Variants in PPP3CA observed in about 807,000 individuals in gnomAD.
PPP3CA encodes protein phosphatase 3 catalytic subunit alpha, also known as CAM-PRP catalytic subunit.
PPP3CA carries 14 observed loss-of-function variants against 66.5 expected under a neutral mutation model. The observed-to-expected ratio is 0.21, with a 90% CI of 0.14 to 0.33. The LOEUF (loss-of-function observed/expected upper bound fraction) is 0.33, where lower values mean the gene tolerates loss of function less well. Among genes scored for constraint, PPP3CA ranks in the 10% least tolerant of loss-of-function variants. The pLI is 1.00. For missense variants in PPP3CA, 317 were observed against 639.5 expected (o/e 0.50, Z 5.44); for synonymous variants, 232 against 226.2 (o/e 1.03, Z -0.23).
chr4:101,235,302 G>A (rs1212488779), intron 1 of PPP3CA, among the ~76,000 whole-genome samples: 9 of 151,818 alleles, frequency 5.9e-5, no homozygotes, highest in African/African-American at 2.2e-4. Flanking sequence ...TCTCATTTGG[G>A]ATTCAAAGAA....
At chr4:101,315,283 T>C (rs1237983501) in intron 1 of PPP3CA, among the ~76,000 whole-genome samples, 1 of 152,174 alleles carries the variant, frequency 6.6e-6, no homozygotes, top group African/African-American at 2.4e-5. Context: ...TCCAGAACTG[T>C]GAGAGATAAA....
chr4:101,132,109 C>T (rs1322955968), intron 2 of PPP3CA, among the ~76,000 whole-genome samples: 1 of 152,056 alleles, frequency 6.6e-6, no homozygotes. Flanking sequence ...AAGAAGTGTA[C>T]AGACGGAAAT....
intron 1 of PPP3CA, among the ~76,000 whole-genome samples, chr4:101,240,030 G>GT (rs66937517): frequency 3.8e-5 from 5 of 133,062 alleles, no homozygotes; most frequent in Non-Finnish European, 6.2e-5. Flanking sequence ...AATTTTTTTG[G>GT]TTTTTTTTTG....
chr4:101,092,911 A>C (rs1236458132), intron 6 of PPP3CA, among the ~76,000 whole-genome samples: 6 of 152,202 alleles, frequency 3.9e-5, no homozygotes, highest in Non-Finnish European at 8.8e-5. Context: ...GTGCTGCAAT[A>C]AACATGCATA....
intron 1 of PPP3CA, among the ~76,000 whole-genome samples, chr4:101,221,291 GA>G (rs1218960015): frequency 2.0e-5 from 3 of 151,554 alleles, no homozygotes; most frequent in Non-Finnish European, 4.4e-5. Flanking sequence ...GGAATTATAT[GA>G]AATATATAGT....
At chr4:101,130,545 G>C (rs966055407) in intron 2 of PPP3CA, among the ~76,000 whole-genome samples, 5 of 152,132 alleles carry the variant, frequency 3.3e-5, no homozygotes, top group Admixed American at 1.3e-4. Flanking sequence ...AGACTAACAG[G>C]GGATCTCTCT....
rs189477916 is a variant in PPP3CA, at chr4:101,175,220, A to T, written c.259+20696T>A. On this transcript the variant is annotated intron_variant, in intron 2 of 13. Coordinates refer to ENST00000394854, the MANE Select transcript of PPP3CA (RefSeq NM_000944.5). ...AGAAACTGGAAGGGGCCTGTAAAAG[A>T]AAAAACGTTTTACTTCTGAGAAATT... Among the ~76,000 whole-genome samples, 433 of 152,272 alleles carry T rather than the reference A, an allele frequency of 2.8e-3. 7 individuals carry two copies. The highest frequency in any genetic ancestry group is 9.5e-3 in the African/African-American group (393 of 41,540).
At chr4:101,071,431 A>G (rs1423239815) in intron 8 of PPP3CA, among the ~76,000 whole-genome samples, 1 of 152,220 alleles carries the variant, frequency 6.6e-6, no homozygotes, top group African/African-American at 2.4e-5. Flanking sequence ...TTCCTAGATA[A>G]TGAATAGCAA....
intron 6 of PPP3CA, among the ~76,000 whole-genome samples, chr4:101,084,368 T>C (rs527281348): frequency 6.6e-6 from 1 of 152,224 alleles, no homozygotes; most frequent in African/African-American, 2.4e-5. Flanking sequence ...TGGCCGGGCA[T>C]CGTGGGTCAC....
At chr4:101,287,048 G>A (rs1242465927) in intron 1 of PPP3CA, among the ~76,000 whole-genome samples, 1 of 151,256 alleles carries the variant, frequency 6.6e-6, no homozygotes, top group Non-Finnish European at 1.5e-5. Flanking sequence ...AAAAGTATGT[G>A]TGTAATATTA....
chr4:101,275,975 G>T (rs1397663865), intron 1 of PPP3CA, among the ~76,000 whole-genome samples: 1 of 151,398 alleles, frequency 6.6e-6, no homozygotes, highest in Non-Finnish European at 1.5e-5. Flanking sequence ...GTTCACTGCA[G>T]CCTAGAACTC....
At chr4:101,299,812 G>A (rs1425632435) in intron 1 of PPP3CA, among the ~76,000 whole-genome samples, 14 of 152,040 alleles carry the variant, frequency 9.2e-5, no homozygotes, top group Admixed American at 9.2e-4. Flanking sequence ...CAGGTCATAA[G>A]CATTAGGAGG....
intron 2 of PPP3CA, among the ~76,000 whole-genome samples, chr4:101,152,536 A>C (rs1342164940): frequency 1.3e-5 from 2 of 152,226 alleles, no homozygotes; most frequent in African/African-American, 4.8e-5. Context: ...GCTACTAACA[A>C]AGTAAGAAAA....
Position 101,346,926 on chromosome 4 carries a change from G to C in PPP3CA, c.-130C>G. ...CCGCGCTGCAAACCGCTCGGCTGGA[G>C]GTCTAGGCTCTGAGCTGGCTTTAAA... On this transcript the variant is annotated 5_prime_UTR_variant, in exon 1 of 14. Coordinates refer to ENST00000394854, the MANE Select transcript of PPP3CA (RefSeq NM_000944.5). The C allele has an allele frequency of 9.2e-7, 1 of 1,085,964 alleles. No individual in the cohort carries two copies. 67.3% of individuals were successfully genotyped at this position (1,085,964 alleles called of 1,614,324 possible).
intron 2 of PPP3CA, among the ~76,000 whole-genome samples, chr4:101,157,370 T>C (rs1030224988): frequency 1.3e-5 from 2 of 152,146 alleles, no homozygotes; most frequent in African/African-American, 4.8e-5. Flanking sequence ...CTTCCAGGCA[T>C]TTGTGTCAAG....
At chr4:101,321,702 C>G (rs1055114386) in intron 1 of PPP3CA, among the ~76,000 whole-genome samples, 1 of 152,042 alleles carries the variant, frequency 6.6e-6, no homozygotes, top group African/African-American at 2.4e-5. Context: ...ATGGGAATAA[C>G]AAATGAAGAA....
At chr4:101,106,438 AAAGAAAGAAAG>A (rs1338875012) in intron 3 of PPP3CA, among the ~76,000 whole-genome samples, 134 of 13,124 alleles carry the variant, frequency 0.01, 41 homozygotes, top group African/African-American at 0.036. Context: ...AGAAAGAAAG[AAAGAAAGAAAG>A]AAAGAGAAAA....
At chr4:101,262,027 C>T (rs999282030) in intron 1 of PPP3CA, among the ~76,000 whole-genome samples, 1 of 151,958 alleles carries the variant, frequency 6.6e-6, no homozygotes, top group Admixed American at 6.6e-5. Flanking sequence ...AAAATACATT[C>T]AATGATTTTT....
At chr4:101,108,830 G>A (rs965122670) in intron 3 of PPP3CA, 124 bp downstream of exon 3, 12 of 935,598 alleles carry the variant, frequency 1.3e-5, no homozygotes, top group African/African-American at 1.7e-5. Flanking sequence ...AATATCCTAT[G>A]AATTAAGTGA....
Sources: allele counts gnomAD v4.1 joint callset (sites outside exome capture counted in the v4.1 genomes callset), GRCh38; gene constraint gnomAD v4.1.1; transcripts MANE v1.5; gene names NCBI Gene and HGNC (gene_info 2026-07-23, HGNC 2026-07-21).